The following RUNX1 variants were observed in gnomAD, a reference collection of about 807,000 sequenced individuals.
The protein encoded by RUNX1 is runt-related transcription factor 1.
A neutral mutation model predicts 42.8 loss-of-function variants in RUNX1; 19 were observed. The ratio of observed to expected loss-of-function variants is 0.44; its 90% CI spans 0.31 to 0.65. The LOEUF is 0.65. Ranked by LOEUF, RUNX1 falls within the 30% of genes least tolerant of loss-of-function variation. The pLI, the probability that RUNX1 is intolerant of heterozygous loss-of-function variation, is 0.07. For missense variants in RUNX1, 528 were observed against 672.0 expected (o/e 0.79, Z 2.37); for synonymous variants, 271 against 289.4 (o/e 0.94, Z 0.64).
chr21:34,847,162 T>C (rs1165511214), intron 6 of RUNX1, among the ~76,000 whole-genome samples: 1 of 152,218 alleles, frequency 6.6e-6, no homozygotes, highest in Non-Finnish European at 1.5e-5. Context: ...AAAACTGTAT[T>C]TGGTCTTGCA....
intron 5 of RUNX1, among the ~76,000 whole-genome samples, chr21:34,875,211 C>T: frequency 6.6e-6 from 1 of 152,230 alleles, no homozygotes; most frequent in Admixed American, 6.5e-5. Context: ...GACTGGGCCA[C>T]CCCAGGCTTT....
chr21:34,843,696 G>A lies in RUNX1; in HGVS notation c.614-9095C>T, dbSNP rs936962487. Among the ~76,000 whole-genome samples, 54 of 150,324 alleles carry A rather than the reference G, an allele frequency of 3.6e-4. No homozygotes were observed. The highest frequency in any genetic ancestry group is 6.9e-4 in the Non-Finnish European group (47 of 67,826). On this transcript the variant is annotated intron_variant, in intron 6 of 8. Coordinates refer to ENST00000675419, the MANE Select transcript of RUNX1 (RefSeq NM_001754.5). This position sits in a 1 kb window ranked among gnomAD's most constrained non-coding sequence, Gnocchi z 4.8. Reference sequence around the variant, plus strand: ...CCTCCCCAGCCCCCCTGCACCATGCGCCCAAGACTCACGGGACAAAAACCC... The same window carrying A: ...CCTCCCCAGCCCCCCTGCACCATGCACCCAAGACTCACGGGACAAAAACCC...
chr21:34,823,450 T>G (rs1442725644), intron 7 of RUNX1, among the ~76,000 whole-genome samples: 3 of 46,128 alleles, frequency 6.5e-5, no homozygotes, highest in African/African-American at 1.3e-4. Context: ...TTTTTTTTTT[T>G]TTTTTTTTTT....
Position 34,907,984 on chromosome 21 carries a change from G to A in RUNX1, c.59-15021C>T, listed in dbSNP as rs961881151. Among the ~76,000 whole-genome samples, 19 of 152,084 alleles carry A rather than the reference G, an allele frequency of 1.2e-4. No individual in the cohort carries two copies. The highest frequency in any genetic ancestry group is 2.5e-4 in the Non-Finnish European group (17 of 68,014). The stretch of plus-strand genomic sequence containing the variant: ...GCTCCCGAAACAGTGGCTGATCTGG[G>A]ACCCCCTGACCTGTGAATTTGTGGT... On this transcript the variant is annotated intron_variant, in intron 2 of 8. Coordinates refer to ENST00000675419, the MANE Select transcript of RUNX1 (RefSeq NM_001754.5). This position sits in a 1 kb window ranked among gnomAD's most constrained non-coding sequence, Gnocchi z 5.3.
chr21:34,793,787 A>T (rs117101908), intron 8 of RUNX1, among the ~76,000 whole-genome samples: 5,079 of 148,276 alleles, frequency 0.034, 116 homozygotes, highest in Non-Finnish European at 0.051. Context: ...CACTGCACCC[A>T]CCACCTCCTG....
At chr21:34,800,787 C>T (rs1372428917) in intron 7 of RUNX1, among the ~76,000 whole-genome samples, 3 of 152,058 alleles carry the variant, frequency 2.0e-5, no homozygotes, top group African/African-American at 7.2e-5. Context: ...TCATTTCTTT[C>T]TTTTTTGTGT....
At chr21:35,000,236 CTTTTT>C (rs397866864) in intron 2 of RUNX1, among the ~76,000 whole-genome samples, 3 of 110,970 alleles carry the variant, frequency 2.7e-5, no homozygotes, top group Admixed American at 9.2e-5. Context: ...TTCTTTCTTT[CTTTTT>C]TTTTTTTTTT....
chr21:34,899,514 G>T (rs1165184923), intron 2 of RUNX1, among the ~76,000 whole-genome samples: 1 of 152,028 alleles, frequency 6.6e-6, no homozygotes, highest in Non-Finnish European at 1.5e-5. Flanking sequence ...ATACATGTCT[G>T]CTGTTTAAGC....
At chr21:34,992,052 A>T (rs11910641) in intron 2 of RUNX1, among the ~76,000 whole-genome samples, 12,043 of 152,268 alleles carry the variant, frequency 0.079, 1,573 homozygotes, top group African/African-American at 0.27. Context: ...CTGGCGTCCA[A>T]AGCTGTGAAA....
At chr21:34,874,931 T>C (rs962289522) in intron 5 of RUNX1, among the ~76,000 whole-genome samples, 2 of 152,076 alleles carry the variant, frequency 1.3e-5, no homozygotes, top group Admixed American at 6.5e-5. Context: ...TAGTCTTCTG[T>C]CCCGACCAAA....
In RUNX1 at chr21:34,791,165, G is replaced by T. The variant is rs929207168; in HGVS notation, c.*970C>A. 3.0e-5 allele frequency: 7 copies of T among 233,452 alleles called. No individual in the cohort carries two copies. Among genetic ancestry groups the T allele is most frequent in the African/African-American group, 1.5e-4 (7 of 45,320 alleles). 14.5% of individuals were successfully genotyped at this position (233,452 alleles called of 1,614,324 possible). On this transcript the variant is annotated 3_prime_UTR_variant, in exon 9 of 9. Transcript: ENST00000675419. ...TCACTTGTTTGATTAACATGAAAGG[G>T]AGTTTAATGTAAACAATACTTCTGG...
chr21:34,974,717 TG>T, intron 2 of RUNX1, among the ~76,000 whole-genome samples: 1 of 152,314 alleles, frequency 6.6e-6, no homozygotes, highest in South Asian at 2.1e-4. Context: ...AGTAGTTCCC[TG>T]GGACTTTTCT....
chr21:34,959,168 T>G (rs916678212), intron 2 of RUNX1, among the ~76,000 whole-genome samples: 1 of 151,780 alleles, frequency 6.6e-6, no homozygotes, highest in Non-Finnish European at 1.5e-5. Context: ...ACCTGCACAT[T>G]GTGCACATGT....
intron 2 of RUNX1, among the ~76,000 whole-genome samples, chr21:34,905,555 C>T (rs2058211662): frequency 6.6e-6 from 1 of 152,178 alleles, no homozygotes; most frequent in African/African-American, 2.4e-5. Context: ...TATGACACTG[C>T]CTTAAGGTAA....
chr21:34,890,250 C>T (rs968213897), intron 3 of RUNX1, among the ~76,000 whole-genome samples: 6 of 151,964 alleles, frequency 3.9e-5, no homozygotes, highest in Non-Finnish European at 1.5e-5. Flanking sequence ...GCGCAGTCCC[C>T]GGAGCTCCCG....
intron 6 of RUNX1, among the ~76,000 whole-genome samples, chr21:34,857,100 G>C (rs1458577923): frequency 6.6e-6 from 1 of 152,184 alleles, no homozygotes; most frequent in Non-Finnish European, 1.5e-5. Context: ...TAAAATGTGA[G>C]ACTTTCTACC....
chr21:34,808,618 G>A (rs2056716290), intron 7 of RUNX1, among the ~76,000 whole-genome samples: 1 of 152,138 alleles, frequency 6.6e-6, no homozygotes, highest in African/African-American at 2.4e-5. Flanking sequence ...TGCCTCACAG[G>A]TGTGAGAGTT....
intron 7 of RUNX1, among the ~76,000 whole-genome samples, chr21:34,820,996 A>G (rs2056899948): frequency 6.6e-6 from 1 of 152,206 alleles, no homozygotes; most frequent in African/African-American, 2.4e-5. Context: ...TAGGGCTTTG[A>G]GCAAAGAAGT....
chr21:34,886,143 C>T (rs2057982926), intron 4 of RUNX1, among the ~76,000 whole-genome samples: 1 of 152,224 alleles, frequency 6.6e-6, no homozygotes, highest in Admixed American at 6.5e-5. Flanking sequence ...AGCCTCGTCA[C>T]CTTTCGCTAC....
Sources: gnomAD v4.1 joint callset for allele counts (sites outside exome capture counted in the v4.1 genomes callset) on GRCh38, gnomAD v4.1.1 for gene constraint, Gnocchi (gnomAD v3.1) non-coding constraint, MANE v1.5 for transcripts, NCBI Gene and HGNC (gene_info 2026-07-23, HGNC 2026-07-21) for gene names.